GGT1: variants seen among roughly 807,000 people sequenced by gnomAD.
The protein encoded by GGT1 is gamma-glutamyltransferase 1.
In GGT1, 21 loss-of-function variants were observed where a neutral mutation model predicts 56.0. The ratio of observed to expected loss-of-function variants is 0.38; its 90% CI spans 0.27 to 0.54. The LOEUF is 0.54. GGT1 is among the 20% of genes least tolerant of loss of function. The probability of loss-of-function intolerance (pLI) is 0.82; values close to 1 mark genes in which losing one functional copy is unlikely to be tolerated. For synonymous variants in GGT1, 238 were observed against 342.6 expected, an observed-to-expected ratio of 0.69 and a Z score of 3.37; for missense variants, 466 against 787.0, an observed-to-expected ratio of 0.59 and a Z score of 4.88.
chr22:24,623,377 C>T (rs1402646989), intron 10 of GGT1, 121 bp downstream of exon 10: 16 of 1,238,306 alleles, frequency 1.3e-5, no homozygotes, highest in Middle Eastern at 2.7e-4. Flanking sequence ...ACTGAGCTCC[C>T]GAGGTGTGTC....
At chr22:24,595,300 G>A (rs1400990829) in intron 1 of GGT1, among the ~76,000 whole-genome samples, 1 of 152,142 alleles carries the variant, frequency 6.6e-6, no homozygotes, top group Non-Finnish European at 1.5e-5. Context: ...TGGGCTTTTG[G>A]AGACAATTTC....
chr22:24,585,013 C>T, the GGT1 span, among the ~76,000 whole-genome samples: 1 of 152,064 alleles, frequency 6.6e-6, no homozygotes, highest in Non-Finnish European at 1.5e-5. Context: ...CACCTCCACC[C>T]GCTGCATGCT....
Position 24,628,063 on chromosome 22 carries a change from T to C in GGT1, c.1337-18T>C. 6.2e-7 allele frequency: 1 copy of C among 1,611,708 alleles called. No homozygotes were observed. The highest frequency in any genetic ancestry group is 8.5e-7 in the Non-Finnish European group (1 of 1,179,786). ...CAGGCAGCTGACGGGCATCCCTGTC[T>C]TCTCCCATCGGCCGCAGGGAAGCAG... is the stretch of plus-strand genomic sequence containing the variant. On this transcript the variant is annotated intron_variant, in intron 13 of 15. Transcript: ENST00000400382. This position sits in a 1 kb window ranked among gnomAD's most constrained non-coding sequence, Gnocchi z 5.7.
chr22:24,586,437 G>T, the GGT1 span: 4 of 1,588,800 alleles, frequency 2.5e-6, no homozygotes, highest in Non-Finnish European at 3.4e-6. Flanking sequence ...AGGTGGGGAT[G>T]GACTAGGCAA....
chr22:24,591,101 C>T (rs964126409), upstream of GGT1, among the ~76,000 whole-genome samples: 23 of 152,206 alleles, frequency 1.5e-4, no homozygotes, highest in African/African-American at 7.2e-5. Context: ...TGTTTTGAGA[C>T]GGAGTTTTGC....
Position 24,620,865 on chromosome 22 carries a change from G to T in GGT1, c.576-48G>T. On this transcript the variant is annotated intron_variant, in intron 8 of 15. Transcript: ENST00000400382. The surrounding 1 kb of genome is among the most constrained non-coding windows in gnomAD (Gnocchi z 5.6). ...GTGGACGGGTGTGAGGGGTGGTCTAGCTGAGTCCACCCCACCTGCTGCCTC... is the reference window on the plus strand; with the variant it reads ...GTGGACGGGTGTGAGGGGTGGTCTATCTGAGTCCACCCCACCTGCTGCCTC... The T allele has an allele frequency of 6.2e-7, 1 of 1,605,206 alleles. No individual in the cohort carries two copies. The highest frequency in any genetic ancestry group is 8.5e-7 in the Non-Finnish European group (1 of 1,176,026).
chr22:24,588,924 G>A, the GGT1 span: 16 of 1,002,904 alleles, frequency 1.6e-5, no homozygotes, highest in South Asian at 2.1e-4. Context: ...GGTGGAATCC[G>A]AGGTGCGCGG....
At chr22:24,624,402 C>T in intron 11 of GGT1, 3 of 985,228 alleles carry the variant, frequency 3.0e-6, no homozygotes, top group African/African-American at 1.7e-5. Flanking sequence ...CTGTCATATC[C>T]CTTCCCGCTG....
At chr22:24,586,418 G>C in the GGT1 span, 1 of 1,603,930 alleles carries the variant, frequency 6.2e-7, no homozygotes, top group Non-Finnish European at 8.5e-7. Flanking sequence ...GAGGCTATGG[G>C]AGAGTGGCAG....
chr22:24,589,820 CCTT>C (rs770915238), upstream of GGT1: 3 of 1,611,912 alleles, frequency 1.9e-6, no homozygotes, highest in Non-Finnish European at 1.7e-6. Flanking sequence ...GCCAGCCTCA[CCTT>C]CTTGGGGCAC....
At chr22:24,603,575 CCT>C (rs978777340) in intron 1 of GGT1, 48 bp downstream of exon 1, 3 of 152,346 alleles carry the variant, frequency 2.0e-5, no homozygotes, top group Non-Finnish European at 4.4e-5. Flanking sequence ...GGGCTGGGGG[CCT>C]CTGTTTCTTG....
At position 24,608,000 on chromosome 22, in the gene GGT1, G is replaced by A; in HGVS notation, c.-382G>A. On this transcript the variant is annotated 5_prime_UTR_variant, in exon 2 of 16. Coordinates refer to ENST00000400382, the MANE Select transcript of GGT1 (RefSeq NM_001288833.2). Reference sequence around the variant, plus strand: ...TTCTGAGGAAGAGGTGCTCTCCTGGGCCCCCACTGTCCCCAGGCCTCAGGT... The same window carrying A: ...TTCTGAGGAAGAGGTGCTCTCCTGGACCCCCACTGTCCCCAGGCCTCAGGT... The A allele has an allele frequency of 2.1e-6, 1 of 469,048 alleles. No homozygotes were observed. Among genetic ancestry groups the A allele is most frequent in the South Asian group, 1.6e-5 (1 of 64,456 alleles). The allele number at this position is 469,048 out of a possible 1,614,324, so 29.1% of individuals were successfully genotyped here. A position where few individuals can be genotyped will look rare whatever the true frequency, so the allele number is the denominator to read the frequency against.
At chr22:24,600,636 T>A (rs1310084506), upstream of GGT1, among the ~76,000 whole-genome samples, 1 of 152,224 alleles carries the variant, frequency 6.6e-6, no homozygotes, top group African/African-American at 2.4e-5. Context: ...GTTCTGCCCA[T>A]GCCCACAGCT....
At chr22:24,584,789 CG>C in the GGT1 span, among the ~76,000 whole-genome samples, 1 of 151,986 alleles carries the variant, frequency 6.6e-6, no homozygotes, top group Non-Finnish European at 1.5e-5. Flanking sequence ...AGTATCCCCC[CG>C]GACATCTCTA....
At chr22:24,586,040 C>T in the GGT1 span, 210 of 1,611,266 alleles carry the variant, frequency 1.3e-4, no homozygotes, top group African/African-American at 8.3e-4. Context: ...GCTCAGCCGC[C>T]GGCGCAGGCC....
At position 24,620,503 on chromosome 22, in the gene GGT1, G is replaced by A. The variant is rs2047347944; in HGVS notation, c.558G>A (p.Glu186=). Residue 186 remains glutamate, a synonymous_variant, in exon 8 of 16, where the codon GAG becomes GAA. Coordinates refer to ENST00000400382, the MANE Select transcript of GGT1 (RefSeq NM_001288833.2). This position sits in a 1 kb window ranked among gnomAD's most constrained non-coding sequence, Gnocchi z 5.6. ...AALENKRTVI[E]QQPVLCEVFC... ...TGGAAAACAAGCGGACCGTCATCGA[G>A]CAGCAGCCTGTCTTGTGGTATGTCT... The A allele has an allele frequency of 6.2e-7, 1 of 1,611,828 alleles. No homozygotes were observed. Among genetic ancestry groups the A allele is most frequent in the Admixed American group, 1.7e-5 (1 of 60,006 alleles).
At position 24,620,011 on chromosome 22, in the gene GGT1, C is replaced by T. The variant is rs1418843720; in HGVS notation, c.383-317C>T. On this transcript the variant is annotated intron_variant, in intron 7 of 15. Transcript: ENST00000400382. This position sits in a 1 kb window ranked among gnomAD's most constrained non-coding sequence, Gnocchi z 5.6. ...TCCTAAAAAAAAAAATTAAACATCC[C>T]CTCCTAAAAAAAAACAATTAAAATT... Among the ~76,000 whole-genome samples the T allele has an allele frequency of 1.5e-5, 2 of 135,970 alleles. No homozygotes were observed. Among genetic ancestry groups the T allele is most frequent in the East Asian group, 4.1e-4 (2 of 4,882 alleles). The allele number at this position is 135,970 out of a possible 152,430, so 89.2% of individuals were successfully genotyped here.
rs2047910836 is a variant in GGT1 at position 24,628,165 on chromosome 22, G to T, written c.1421G>T (p.Gly474Val). 6.2e-7 allele frequency: 1 copy of T among 1,612,016 alleles called. No individual in the cohort carries two copies. Among genetic ancestry groups the T allele is most frequent in the African/African-American group, 1.3e-5 (1 of 74,974 alleles). The change falls in exon 14 of 16, where the codon GGC becomes GTC. Residue 474 changes from glycine (G) to valine (V), a missense_variant. This residue lies in a region of GGT1 where 456 missense variants were observed against 716.7 expected (regional missense o/e 0.64). Transcript: ENST00000400382. This position sits in a 1 kb window ranked among gnomAD's most constrained non-coding sequence, Gnocchi z 5.7. Reference sequence around the variant, plus strand: ...CGGATGGTGGTGGGAGCTGCTGGGGGCACACAGATCACCACGGCCACTGCA... The same window carrying T: ...CGGATGGTGGTGGGAGCTGCTGGGGTCACACAGATCACCACGGCCACTGCA... ...QVRMVVGAAGGTQITTATALA... is the reference protein window; with the variant it reads ...QVRMVVGAAGVTQITTATALA...
At chr22:24,589,733 C>T in the GGT1 span, 12 of 1,435,004 alleles carry the variant, frequency 8.4e-6, no homozygotes, top group Non-Finnish European at 1.1e-5. Context: ...CGCAGAAGGA[C>T]CTAGCCTCCC....
Sources: gnomAD v4.1 joint callset for allele counts (sites outside exome capture counted in the v4.1 genomes callset) on GRCh38, gnomAD v4.1.1 for gene constraint, gnomAD v4.1.1 regional missense constraint, Gnocchi (gnomAD v3.1) non-coding constraint, MANE v1.5 for transcripts, NCBI Gene and HGNC (gene_info 2026-07-23, HGNC 2026-07-21) for gene names.